Variants in PALD1 observed in about 807,000 individuals in gnomAD.
The protein encoded by PALD1 is phosphatase domain containing paladin 1.
Under a neutral mutation model 96.0 loss-of-function variants are expected in PALD1, and 57 were observed. The ratio of observed to expected loss-of-function variants is 0.59; its 90% confidence interval spans 0.48 to 0.74. The LOEUF (loss-of-function observed/expected upper bound fraction) is 0.74. PALD1 is among the 30% of genes least tolerant of loss of function. The pLI, the probability that PALD1 is intolerant of heterozygous loss-of-function variation, is 0.00. For missense variants in PALD1, 1,063 were observed against 1,143.7 expected (o/e 0.93, Z 1.02); for synonymous variants, 464 against 473.6 (o/e 0.98, Z 0.26).
At chr10:70,564,554 G>T in intron 19 of PALD1, 35 bp downstream of exon 19, 4 of 1,598,688 alleles carry the variant, frequency 2.5e-6, no homozygotes, top group Non-Finnish European at 3.4e-6. Context: ...GGGCCGGGGC[G>T]ATGGCTCCTG....
Position 70,547,451 on chromosome 10 carries a change from G to GCCCCCCCCCC in PALD1, c.2262+10_2262+11insCCCCCCCCCC. The GCCCCCCCCCC allele has an allele frequency of 1.3e-6, 2 of 1,585,846 alleles. No homozygotes were observed. The highest frequency in any genetic ancestry group is 1.7e-6 in the Non-Finnish European group (2 of 1,164,772). ...ATCATCTGCACCTACCGCCAGGTGA[G>GCCCCCCCCCC]CCCCCACCCCACCCCACCCCACCCT... On this transcript the variant is annotated splice_donor_region_variant and intron_variant, in intron 18 of 19. Transcript: ENST00000263563.
intron 2 of PALD1, 76 bp from the exon 3 acceptor site, chr10:70,529,153 T>C: frequency 1.5e-6 from 1 of 648,730 alleles, no homozygotes; most frequent in Non-Finnish European, 2.8e-6. Flanking sequence ...CGGTGGGCTC[T>C]GTGAGGGTGG....
intron 12 of PALD1, 131 bp downstream of exon 12, chr10:70,538,539 G>A: frequency 2.0e-6 from 2 of 977,514 alleles, no homozygotes; most frequent in South Asian, 3.2e-5. Flanking sequence ...TGTGGGTGTT[G>A]GGATCCTCTT....
At chr10:70,513,950 A>C (rs1452955779) in intron 1 of PALD1, among the ~76,000 whole-genome samples, 2 of 152,174 alleles carry the variant, frequency 1.3e-5, no homozygotes, top group African/African-American at 2.4e-5. Context: ...TGTCATCCCG[A>C]GAACCCGCCT....
At chr10:70,495,004 T>C (rs10823552) in intron 1 of PALD1, among the ~76,000 whole-genome samples, 29,653 of 152,180 alleles carry the variant, frequency 0.19, 3,059 homozygotes, top group East Asian at 0.32. Context: ...TGAATTCTGG[T>C]AACCTGTCCT....
upstream of PALD1, among the ~76,000 whole-genome samples, chr10:70,477,632 GGT>G (rs1464749768): frequency 2.6e-5 from 4 of 152,184 alleles, no homozygotes; most frequent in Non-Finnish European, 5.9e-5. Context: ...CTAGGGACAT[GGT>G]GAGACCACCA....
At chr10:70,519,865 G>A (rs2132337461) in intron 1 of PALD1, among the ~76,000 whole-genome samples, 2 of 152,120 alleles carry the variant, frequency 1.3e-5, no homozygotes, top group Middle Eastern at 6.8e-3. Context: ...GTGAGCCACT[G>A]TGCCCAGCCT....
At chr10:70,494,883 C>T (rs1846163930) in intron 1 of PALD1, among the ~76,000 whole-genome samples, 2 of 152,192 alleles carry the variant, frequency 1.3e-5, no homozygotes, top group Admixed American at 6.5e-5. Flanking sequence ...AACTGGCTTT[C>T]TTAAGCATGA....
At chr10:70,520,685 C>CTTTTTTTTTTTTTTTT (rs10545684) in intron 1 of PALD1, among the ~76,000 whole-genome samples, 5 of 87,680 alleles carry the variant, frequency 5.7e-5, no homozygotes, top group East Asian at 4.3e-4. Flanking sequence ...TTCTTTCTTT[C>CTTTTTTTTTTTTTTTT]TTTTTTTTTT....
rs993050380 is a variant in PALD1 at position 70,532,485 on chromosome 10, G to T, written c.634-136G>T. On this transcript the variant is annotated intron_variant, in intron 5 of 19. Coordinates refer to ENST00000263563, the MANE Select transcript of PALD1 (RefSeq NM_014431.3). ...AATGGCATAGAGAGCACTTCTGGCT[G>T]TGTAGTTCCCTCATGGGGGGCAGAA... is the stretch of plus-strand genomic sequence containing the variant. 3 of 819,084 alleles carry T rather than the reference G, an allele frequency of 3.7e-6. No individual in the cohort carries two copies. In the African/African-American group the frequency reaches 5.2e-5, roughly 14 times the overall value. 50.7% of individuals were successfully genotyped at this position (819,084 alleles called of 1,614,324 possible).
At chr10:70,548,240 G>T (rs997020527) in intron 18 of PALD1, among the ~76,000 whole-genome samples, 5 of 152,148 alleles carry the variant, frequency 3.3e-5, no homozygotes, top group Non-Finnish European at 7.3e-5. Flanking sequence ...GGGAGGCGGA[G>T]GTTGCGGTGA....
chr10:70,495,354 T>C (rs1218505451), intron 1 of PALD1, among the ~76,000 whole-genome samples: 2 of 145,372 alleles, frequency 1.4e-5, no homozygotes, highest in Non-Finnish European at 3.0e-5. Flanking sequence ...CCTCTCCTTC[T>C]CTTGTTGGAA....
intron 1 of PALD1, among the ~76,000 whole-genome samples, chr10:70,487,907 C>T (rs1435317388): frequency 6.6e-6 from 1 of 152,232 alleles, no homozygotes; most frequent in Non-Finnish European, 1.5e-5. Flanking sequence ...CCCAGGCCCA[C>T]TCATCTACTT....
intron 18 of PALD1, among the ~76,000 whole-genome samples, chr10:70,548,753 T>C (rs1238258872): frequency 6.6e-6 from 1 of 152,118 alleles, no homozygotes; most frequent in African/African-American, 2.4e-5. Flanking sequence ...TGTGCACACA[T>C]TGGGGAAATG....
intron 1 of PALD1, among the ~76,000 whole-genome samples, chr10:70,499,048 T>C (rs1372972806): frequency 6.6e-6 from 1 of 152,224 alleles, no homozygotes; most frequent in Non-Finnish European, 1.5e-5. Flanking sequence ...TTCCTTACAT[T>C]GTCTCATGTA....
intron 12 of PALD1, 84 bp downstream of exon 12, chr10:70,538,492 G>T (rs1564703140): frequency 1.4e-6 from 2 of 1,402,388 alleles, no homozygotes; most frequent in Non-Finnish European, 2.0e-6. Context: ...TAGGGTTGGG[G>T]TAAGCATTGC....
chr10:70,549,477 C>G (rs375765746), intron 18 of PALD1, among the ~76,000 whole-genome samples: 11 of 152,372 alleles, frequency 7.2e-5, no homozygotes, highest in African/African-American at 2.6e-4. Flanking sequence ...CTGCGAGGCA[C>G]CCAGAGGGCG....
chr10:70,463,018 C>G, the PALD1 span, among the ~76,000 whole-genome samples: 11 of 152,230 alleles, frequency 7.2e-5, no homozygotes, highest in Non-Finnish European at 1.5e-5. Context: ...TGGCGTGGGT[C>G]TTTTTCCTCT....
chr10:70,532,187 T>C (rs917825266), intron 5 of PALD1, among the ~76,000 whole-genome samples: 2 of 152,016 alleles, frequency 1.3e-5, no homozygotes, highest in African/African-American at 2.4e-5. Context: ...CTGAGGCAGC[T>C]GACATACCAT....
Sources: gnomAD v4.1 joint callset for allele counts (sites outside exome capture counted in the v4.1 genomes callset) on GRCh38, gnomAD v4.1.1 for gene constraint, MANE v1.5 for transcripts, NCBI Gene and HGNC (gene_info 2026-07-23, HGNC 2026-07-21) for gene names.